The following LATS2 variants were observed in gnomAD, a reference collection of about 807,000 sequenced individuals.
LATS2 encodes large tumor suppressor kinase 2, also known as serine/threonine-protein kinase LATS2.
A neutral mutation model predicts 76.0 loss-of-function variants in LATS2; 24 were observed. That is an observed-to-expected ratio of 0.32 (90% CI 0.23 to 0.44). The LOEUF (loss-of-function observed/expected upper bound fraction) is 0.44. Among genes scored for constraint, LATS2 ranks in the 20% least tolerant of loss-of-function variants. LATS2 has a pLI of 1.00. For missense variants in LATS2, 1,286 were observed against 1,481.2 expected (o/e 0.87, Z 2.16); for synonymous variants, 692 against 635.4 (o/e 1.09, Z -1.34).
chr13:21,054,985 A>ACG (rs1308834280), intron 1 of LATS2, among the ~76,000 whole-genome samples: 1 of 149,264 alleles, frequency 6.7e-6, no homozygotes, highest in Non-Finnish European at 1.5e-5. Flanking sequence ...TTAAGTGAAT[A>ACG]TGAAAAAATA....
At chr13:21,038,061 A>C (rs1460260608) in intron 2 of LATS2, among the ~76,000 whole-genome samples, 1 of 152,162 alleles carries the variant, frequency 6.6e-6, no homozygotes, top group African/African-American at 2.4e-5. Flanking sequence ...AGCCATGATC[A>C]TGCCACCACA....
intron 2 of LATS2, among the ~76,000 whole-genome samples, chr13:21,032,602 A>T (rs1266974569): frequency 6.6e-6 from 1 of 151,922 alleles, no homozygotes; most frequent in Non-Finnish European, 1.5e-5. Context: ...ATCAGCTATC[A>T]TTAGTATTAG....
In LATS2 at chr13:20,981,619, G is replaced by A. The variant is rs781735616; in HGVS notation, c.2512C>T (p.Pro838Ser). The change falls in exon 6 of 8, where the codon CCC becomes TCC. Residue 838 changes from proline (P) to serine (S), a missense_variant. Around this residue, in one of 5 missense-constraint regions of LATS2, gnomAD observed 247 missense variants for 385.4 expected, o/e 0.64. Transcript: ENST00000382592. ...GACACATCATCCCAGAGGTCGCTGG[G>A]CTCCATGCTGTCCTGTCTGACATGG... Reference protein sequence around the residue: ...GSHVRQDSMEPSDLWDDVSNC... With the variant: ...GSHVRQDSMESSDLWDDVSNC... 1 of 1,613,796 alleles carries A rather than the reference G, an allele frequency of 6.2e-7. No individual in the cohort carries two copies. The highest frequency in any genetic ancestry group is 1.7e-5 in the Admixed American group (1 of 59,948).
intron 2 of LATS2, among the ~76,000 whole-genome samples, chr13:21,024,689 TAAA>T (rs35621454): frequency 3.4e-4 from 49 of 142,848 alleles, no homozygotes; most frequent in Admixed American, 8.3e-4. Flanking sequence ...ATACCCACAT[TAAA>T]AAAAAAAAAA....
At chr13:20,978,566 T>C (rs552219249) in intron 7 of LATS2, among the ~76,000 whole-genome samples, 1 of 152,302 alleles carries the variant, frequency 6.6e-6, no homozygotes, top group African/African-American at 2.4e-5. Flanking sequence ...AACTGCTTTC[T>C]TTAGATACAG....
intron 1 of LATS2, among the ~76,000 whole-genome samples, chr13:21,060,535 G>A (rs1873602379): frequency 6.6e-6 from 1 of 152,072 alleles, no homozygotes; most frequent in Non-Finnish European, 1.5e-5. Flanking sequence ...GCCGAGCAGG[G>A]CCTGGCCGCC....
intron 1 of LATS2, among the ~76,000 whole-genome samples, chr13:21,052,623 A>G (rs1186680909): frequency 1.3e-5 from 2 of 152,230 alleles, no homozygotes; most frequent in Non-Finnish European, 2.9e-5. Flanking sequence ...AAGAGCTGGG[A>G]TAACAGGCGC....
chr13:21,045,632 C>G, intron 2 of LATS2, 53 bp downstream of exon 2: 2 of 1,422,130 alleles, frequency 1.4e-6, no homozygotes, highest in Non-Finnish European at 1.9e-6. Flanking sequence ...TCTGACTGCC[C>G]CAGCTGTCCC....
intron 7 of LATS2, among the ~76,000 whole-genome samples, chr13:20,977,540 C>T (rs1869676915): frequency 6.6e-6 from 1 of 151,602 alleles, no homozygotes; most frequent in Non-Finnish European, 1.5e-5. Flanking sequence ...GTGATGGTTG[C>T]ACAATATTGT....
intron 2 of LATS2, among the ~76,000 whole-genome samples, chr13:20,998,217 G>T (rs1870846496): frequency 6.6e-6 from 1 of 152,104 alleles, no homozygotes; most frequent in Non-Finnish European, 1.5e-5. Context: ...AGCTGGGCAT[G>T]GTGGTGGGTG....
At chr13:21,018,692 C>T (rs76623856) in intron 2 of LATS2, among the ~76,000 whole-genome samples, 2,041 of 152,000 alleles carry the variant, frequency 0.013, 52 homozygotes, top group African/African-American at 0.046. Context: ...CTTGCTTTGT[C>T]GCCCTGTCTG....
intron 4 of LATS2, among the ~76,000 whole-genome samples, chr13:20,987,249 A>G (rs901782423): frequency 6.6e-6 from 1 of 152,196 alleles, no homozygotes; most frequent in African/African-American, 2.4e-5. Flanking sequence ...TGAAAAGTAT[A>G]TCTGTAAAAA....
At chr13:21,028,279 A>T (rs1040217203) in intron 2 of LATS2, among the ~76,000 whole-genome samples, 4 of 152,136 alleles carry the variant, frequency 2.6e-5, no homozygotes, top group African/African-American at 7.2e-5. Context: ...TTATGGCTGC[A>T]TAGTATTCCA....
intron 2 of LATS2, among the ~76,000 whole-genome samples, chr13:20,994,778 C>T (rs2138303858): frequency 6.6e-6 from 1 of 150,766 alleles, no homozygotes. Context: ...ATCCCAGCTA[C>T]TGAAGAGGTT....
At chr13:21,040,954 TC>T (rs1241766011) in intron 2 of LATS2, among the ~76,000 whole-genome samples, 10 of 151,658 alleles carry the variant, frequency 6.6e-5, no homozygotes, top group African/African-American at 1.2e-4. Flanking sequence ...ACATTCTACT[TC>T]CCCCTTGAGG....
chr13:20,998,885 G>C (rs1870897443), intron 2 of LATS2, among the ~76,000 whole-genome samples: 1 of 152,078 alleles, frequency 6.6e-6, no homozygotes, highest in Non-Finnish European at 1.5e-5. Context: ...GTGCACGCGG[G>C]GCGGGGGCCC....
At chr13:20,987,729 C>T (rs1870221656) in intron 4 of LATS2, 152 bp downstream of exon 4, 1 of 831,340 alleles carries the variant, frequency 1.2e-6, no homozygotes, top group Non-Finnish European at 1.8e-6. Context: ...GCAACTTCTC[C>T]AAGTTGTTGG....
chr13:20,988,365 G>GCGGGGA lies in LATS2; in HGVS notation c.1414_1415insTCCCCG (p.Pro471_Ala472insValPro). The GCGGGGA allele has an allele frequency of 2.2e-6, 3 of 1,371,648 alleles. No individual in the cohort carries two copies. Among genetic ancestry groups the GCGGGGA allele is most frequent in the Non-Finnish European group, 2.8e-6 (3 of 1,072,268 alleles). 85.0% of individuals were successfully genotyped at this position (1,371,648 alleles called of 1,614,324 possible). A position where few individuals can be genotyped will look rare whatever the true frequency, so the allele number is the denominator to read the frequency against. The stretch of plus-strand genomic sequence containing the variant: ...AGCCGGGGCGGGGGCGGGGGCGGGG[G>GCGGGGA]CCGGGGCAGGCGCGGGCACCCAGGC... On this transcript the variant is annotated inframe_insertion, in exon 4 of 8. Transcript: ENST00000382592.
At chr13:21,016,875 C>T (rs1017535038) in intron 2 of LATS2, among the ~76,000 whole-genome samples, 1 of 152,214 alleles carries the variant, frequency 6.6e-6, no homozygotes, top group Non-Finnish European at 1.5e-5. Flanking sequence ...TAACTGCCTA[C>T]CTTGTTCCTG....
Sources: gnomAD v4.1 joint callset for allele counts (sites outside exome capture counted in the v4.1 genomes callset) on GRCh38, gnomAD v4.1.1 for gene constraint, gnomAD v4.1.1 regional missense constraint, MANE v1.5 for transcripts, NCBI Gene and HGNC (gene_info 2026-07-23, HGNC 2026-07-21) for gene names.